Variants in MARCHF1 observed in about 807,000 individuals in gnomAD.
MARCHF1 encodes E3 ubiquitin-protein ligase MARCHF1.
Under a neutral mutation model 54.2 loss-of-function variants are expected in MARCHF1, and 40 were observed. That is an observed-to-expected ratio of 0.74 (90% confidence interval 0.57 to 0.96). MARCHF1 has a LOEUF of 0.96. Among genes scored for constraint, MARCHF1 ranks in the 40% least tolerant of loss-of-function variants. The probability of loss-of-function intolerance (pLI) is 0.00; values close to 1 mark genes in which losing one functional copy is unlikely to be tolerated. For missense variants in MARCHF1, 586 were observed against 656.5 expected (o/e 0.89, Z 1.17); for synonymous variants, 236 against 236.3 (o/e 1.00, Z 0.01).
intron 1 of MARCHF1, among the ~76,000 whole-genome samples, chr4:164,251,719 C>A (rs1733134205): frequency 6.6e-6 from 1 of 152,024 alleles, no homozygotes. Flanking sequence ...TTCTTCATTG[C>A]CTTATTAACC....
At chr4:164,128,776 C>T (rs1024661640) in intron 1 of MARCHF1, among the ~76,000 whole-genome samples, 1 of 152,130 alleles carries the variant, frequency 6.6e-6, no homozygotes, top group Non-Finnish European at 1.5e-5. Flanking sequence ...CATGAACAAT[C>T]TGCTATAATC....
At chr4:164,044,376 G>C (rs956264533) in intron 2 of MARCHF1, among the ~76,000 whole-genome samples, 1 of 152,038 alleles carries the variant, frequency 6.6e-6, no homozygotes, top group African/African-American at 2.4e-5. Context: ...ATGTCCTCAC[G>C]TGGTGGCAGG....
chr4:164,079,484 T>C (rs1755048462), intron 2 of MARCHF1, among the ~76,000 whole-genome samples: 1 of 152,146 alleles, frequency 6.6e-6, no homozygotes, highest in South Asian at 2.1e-4. Flanking sequence ...TCTTTATTAT[T>C]GTAATGTATT....
At chr4:163,614,204 A>G (rs1236300858) in intron 5 of MARCHF1, among the ~76,000 whole-genome samples, 2 of 152,170 alleles carry the variant, frequency 1.3e-5, no homozygotes, top group Admixed American at 1.3e-4. Context: ...TAATTCTACA[A>G]TAATCTCACA....
chr4:163,592,107 G>T (rs1740609656), intron 7 of MARCHF1, among the ~76,000 whole-genome samples: 1 of 152,090 alleles, frequency 6.6e-6, no homozygotes, highest in Admixed American at 6.6e-5. Context: ...TTCAGCCTGA[G>T]ATTTAAAATA....
chr4:164,188,758 C>T (rs1350348676), intron 1 of MARCHF1: 5 of 957,824 alleles, frequency 5.2e-6, no homozygotes, highest in East Asian at 2.4e-5. Context: ...CTAAACCATA[C>T]GTTCAAGTTG....
intron 2 of MARCHF1, among the ~76,000 whole-genome samples, chr4:164,000,013 G>C (rs893387206): frequency 6.6e-6 from 1 of 151,708 alleles, no homozygotes. Context: ...GTGATAATCA[G>C]ATTGATCATG....
chr4:163,579,299 A>C (rs1355482875), intron 8 of MARCHF1, among the ~76,000 whole-genome samples: 3 of 152,250 alleles, frequency 2.0e-5, no homozygotes, highest in Non-Finnish European at 4.4e-5. Context: ...CAAGAATTGC[A>C]CTTCTAAGAG....
intron 2 of MARCHF1, among the ~76,000 whole-genome samples, chr4:164,072,756 T>C (rs570968354): frequency 4.0e-5 from 6 of 149,364 alleles, no homozygotes; most frequent in South Asian, 2.1e-4. Context: ...CTAGATTTCA[T>C]AGGAAAACAC....
intron 2 of MARCHF1, among the ~76,000 whole-genome samples, chr4:164,043,204 T>C (rs1754165732): frequency 6.6e-6 from 1 of 152,130 alleles, no homozygotes; most frequent in African/African-American, 2.4e-5. Context: ...ACACCATATT[T>C]CCCCTCCATC....
At chr4:164,244,699 A>T (rs1473086578) in intron 1 of MARCHF1, among the ~76,000 whole-genome samples, 2 of 151,994 alleles carry the variant, frequency 1.3e-5, no homozygotes, top group Middle Eastern at 3.4e-3. Context: ...AACAAAATTG[A>T]TAGACTGCTA....
rs1055153946 is a variant in MARCHF1, at chr4:163,526,958, T to G, written c.*1790A>C. 5 of 131,244 alleles carry G rather than the reference T, an allele frequency of 3.8e-5. No individual in the cohort carries two copies. In the East Asian group the frequency reaches 7.1e-4, roughly 19 times the overall value. The allele number at this position is 131,244 out of a possible 1,614,324, so 8.1% of individuals were successfully genotyped here. A position where few individuals can be genotyped will look rare whatever the true frequency, so the allele number is the denominator to read the frequency against. On this transcript the variant is annotated 3_prime_UTR_variant, in exon 10 of 10. Transcript: ENST00000514618. ...ATCTTTCTCCTCATTTAAAGGTTTG[T>G]TTTTTTTTTCCCTTTTTCCTATGAT...
chr4:163,733,274 C>CAG (rs1345080130), intron 4 of MARCHF1, among the ~76,000 whole-genome samples: 1 of 105,318 alleles, frequency 9.5e-6, no homozygotes, highest in East Asian at 2.9e-4. Flanking sequence ...CACACACACA[C>CAG]ACAGACACAT....
intron 1 of MARCHF1, among the ~76,000 whole-genome samples, chr4:164,302,910 T>C (rs759735480): frequency 2.7e-5 from 4 of 147,938 alleles, no homozygotes; most frequent in South Asian, 2.2e-4. Flanking sequence ...TTTCGCATGC[T>C]ATTAAAGCCT....
intron 5 of MARCHF1, among the ~76,000 whole-genome samples, chr4:163,655,765 C>A (rs1378881667): frequency 6.6e-6 from 1 of 151,954 alleles, no homozygotes; most frequent in Non-Finnish European, 1.5e-5. Context: ...CTCAAAACCA[C>A]ACAACTACAT....
intron 2 of MARCHF1, among the ~76,000 whole-genome samples, chr4:164,096,526 C>T (rs749858938): frequency 4.0e-5 from 6 of 151,828 alleles, no homozygotes; most frequent in Non-Finnish European, 7.4e-5. Context: ...CTATGAAATA[C>T]ACCCTTGTAA....
At chr4:164,281,699 A>G (rs1734030703) in intron 1 of MARCHF1, among the ~76,000 whole-genome samples, 1 of 152,144 alleles carries the variant, frequency 6.6e-6, no homozygotes, top group South Asian at 2.1e-4. Flanking sequence ...AACCTGAATA[A>G]CACATTAAAT....
In MARCHF1 at chr4:163,784,898, T is replaced by A. The variant is rs77651335; in HGVS notation, c.111+69123A>T. The stretch of plus-strand genomic sequence containing the variant: ...CGCTTTATATATTCTTGACTTATAA[T>A]GTCTCCCAAACACTGTCTGAGAAAT... On this transcript the variant is annotated intron_variant, in intron 4 of 9. Coordinates refer to ENST00000514618, the MANE Select transcript of MARCHF1 (RefSeq NM_001394959.1). 6.7e-3 allele frequency among the ~76,000 whole-genome samples: 1,023 copies of A among 152,226 alleles called. 8 individuals are homozygous for A. The highest frequency in any genetic ancestry group is 0.03 in the South Asian group (147 of 4,832).
intron 2 of MARCHF1, among the ~76,000 whole-genome samples, chr4:164,091,004 C>T (rs556559489): frequency 5.9e-5 from 9 of 152,046 alleles, no homozygotes; most frequent in Non-Finnish European, 1.0e-4. Context: ...TACTGTTGAA[C>T]GAGAAGCTAG....
Sources: allele counts gnomAD v4.1 joint callset (sites outside exome capture counted in the v4.1 genomes callset), GRCh38; gene constraint gnomAD v4.1.1; transcripts MANE v1.5; gene names NCBI Gene and HGNC (gene_info 2026-07-23, HGNC 2026-07-21).